The following TRPC5 variants were observed in gnomAD, a reference collection of about 807,000 sequenced individuals.
TRPC5 encodes the protein short transient receptor potential channel 5.
In TRPC5, 9 loss-of-function variants were observed where a neutral mutation model predicts 56.5. The observed-to-expected ratio is 0.16, with a 90% CI of 0.10 to 0.28. The LOEUF (loss-of-function observed/expected upper bound fraction) is 0.28, where lower values mean the gene tolerates loss of function less well. Among genes scored for constraint, TRPC5 ranks in the 10% least tolerant of loss-of-function variants. The pLI is 1.00. For missense variants in TRPC5, 469 were observed against 748.9 expected (o/e 0.63, Z 4.36); for synonymous variants, 282 against 278.5 (o/e 1.01, Z -0.13).
intron 7 of TRPC5, among the ~76,000 whole-genome samples, chrX:111,817,413 G>A (rs766404714): frequency 7.1e-5 from 7 of 98,955 alleles, no homozygotes; most frequent in Non-Finnish European, 1.2e-4. Flanking sequence ...TGCAACCTCC[G>A]CCTCCAAGGT....
At chrX:111,809,720 G>C (rs1216537684) in intron 7 of TRPC5, among the ~76,000 whole-genome samples, 1 of 111,114 alleles carries the variant, frequency 9.0e-6, no homozygotes, top group Non-Finnish European at 1.9e-5. Flanking sequence ...ACAGAGGACG[G>C]TTGTTGGAGG....
At chrX:112,014,670 C>T (rs1200128374) in intron 1 of TRPC5, among the ~76,000 whole-genome samples, 1 of 112,053 alleles carries the variant, frequency 8.9e-6, no homozygotes, top group Non-Finnish European at 1.9e-5. Context: ...AGCTGCCTTT[C>T]CTTCCCCTTC....
chrX:111,894,699 T>C (rs1274889224), intron 3 of TRPC5, among the ~76,000 whole-genome samples: 7 of 109,611 alleles, frequency 6.4e-5, no homozygotes, highest in African/African-American at 2.4e-4. Context: ...TTAGTTTTTA[T>C]AGGATGTAGG....
chrX:111,839,577 G>C (rs919163829), intron 6 of TRPC5, among the ~76,000 whole-genome samples: 2 of 111,751 alleles, frequency 1.8e-5, no homozygotes, highest in Non-Finnish European at 1.9e-5. Context: ...CTCGATATCT[G>C]CAAAGGGTTG....
intron 1 of TRPC5, among the ~76,000 whole-genome samples, chrX:111,962,308 T>G (rs1183593555): frequency 8.9e-6 from 1 of 112,467 alleles, no homozygotes; most frequent in Non-Finnish European, 1.9e-5. Context: ...CCAAAGTCCC[T>G]TCCCCTCTCA....
chrX:112,070,758 C>CA (rs1556613536), intron 1 of TRPC5, among the ~76,000 whole-genome samples: 21 of 108,352 alleles, frequency 1.9e-4, no homozygotes, highest in African/African-American at 6.9e-4. Context: ...TGCCCCCCCC[C>CA]AAAGTTACTT....
intron 1 of TRPC5, among the ~76,000 whole-genome samples, chrX:112,025,059 A>G (rs1929379046): frequency 8.9e-6 from 1 of 112,073 alleles, no homozygotes; most frequent in Non-Finnish European, 1.9e-5. Context: ...ACCAAATACA[A>G]CACAAACCCC....
At chrX:111,923,048 T>C (rs763098305) in intron 2 of TRPC5, among the ~76,000 whole-genome samples, 5 of 111,416 alleles carry the variant, frequency 4.5e-5, no homozygotes, top group Non-Finnish European at 9.4e-5. Context: ...CTAAGTGTCT[T>C]GGCCCAGGTC....
At position 111,773,986 on chromosome X, in the gene TRPC5, C is replaced by A. The variant is rs1334780111; in HGVS notation, c.*2327G>T. Among the ~76,000 whole-genome samples the A allele has an allele frequency of 9.0e-6, 1 of 111,640 alleles. No homozygotes were observed. The highest frequency in any genetic ancestry group is 2.8e-4 in the East Asian group (1 of 3,557). On this transcript the variant is annotated 3_prime_UTR_variant, in exon 11 of 11. Transcript: ENST00000262839. ...TAGGGCAATAGCTGTTCAGCTTTAA[C>A]CCCCATCCTAAATGAGGCTTCACTA...
At chrX:112,079,695 T>C (rs1930916667) in intron 1 of TRPC5, among the ~76,000 whole-genome samples, 1 of 112,202 alleles carries the variant, frequency 8.9e-6, no homozygotes, top group Non-Finnish European at 1.9e-5. Flanking sequence ...GTTTTAGTTG[T>C]TAGCTATAGA....
intron 3 of TRPC5, among the ~76,000 whole-genome samples, chrX:111,894,324 A>G (rs10521536): frequency 0.17 from 18,520 of 111,472 alleles, 2,797 homozygotes; most frequent in African/African-American, 0.49. Context: ...CAAAATTGCC[A>G]GGTAGGACTT....
At position 111,854,142 on chromosome X, in the gene TRPC5, T is replaced by G. The variant is rs1923159124; in HGVS notation, c.901-36A>C. On this transcript the variant is annotated intron_variant, in intron 3 of 10. Coordinates refer to ENST00000262839, the MANE Select transcript of TRPC5 (RefSeq NM_012471.3). ...AAGAAAACAAGTTAGGCATCTGGAATGTCCAGGAGAAAGTCTACTGTCATA... is the reference window on the plus strand; with the variant it reads ...AAGAAAACAAGTTAGGCATCTGGAAGGTCCAGGAGAAAGTCTACTGTCATA... The G allele has an allele frequency of 1.0e-5, 12 of 1,154,964 alleles. No homozygotes were observed. The African/African-American group carries it at 1.8e-4, about 17-fold the overall frequency.
intron 3 of TRPC5, among the ~76,000 whole-genome samples, chrX:111,868,159 C>A (rs1433983141): frequency 9.0e-6 from 1 of 111,397 alleles, no homozygotes; most frequent in Non-Finnish European, 1.9e-5. Context: ...TTAATTGAGT[C>A]ACCACTCCTT....
chrX:111,771,786 T>A lies in TRPC5; in HGVS notation c.*4527A>T, dbSNP rs1273558237. ...CTGACCTAAATGCTTTTTTTTTTTT[T>A]AAACAAAACCAGGAACCTCAAATCT... On this transcript the variant is annotated 3_prime_UTR_variant, in exon 11 of 11. Transcript: ENST00000262839. Among the ~76,000 whole-genome samples, 1 of 108,632 alleles carries A rather than the reference T, an allele frequency of 9.2e-6. No homozygotes were observed. Among genetic ancestry groups the A allele is most frequent in the Non-Finnish European group, 1.9e-5 (1 of 52,634 alleles). 94.3% of individuals were successfully genotyped at this position (108,632 alleles called of 115,157 possible).
chrX:111,810,202 C>T (rs1048140711), intron 7 of TRPC5, among the ~76,000 whole-genome samples: 5 of 111,389 alleles, frequency 4.5e-5, no homozygotes, highest in African/African-American at 6.5e-5. Flanking sequence ...CATGAGCCAC[C>T]GTGCCTGCCT....
intron 10 of TRPC5, among the ~76,000 whole-genome samples, chrX:111,778,510 T>C (rs1310870086): frequency 9.0e-6 from 1 of 111,229 alleles, no homozygotes. Flanking sequence ...GGGACAAAAT[T>C]GCCCCTGGTT....
chrX:112,032,427 T>G (rs894683852), intron 1 of TRPC5, among the ~76,000 whole-genome samples: 2 of 111,659 alleles, frequency 1.8e-5, no homozygotes, highest in Non-Finnish European at 3.8e-5. Flanking sequence ...AATCAGTATG[T>G]CAAAGAGATA....
At chrX:111,965,855 G>A (rs1398791821) in intron 1 of TRPC5, among the ~76,000 whole-genome samples, 1 of 111,214 alleles carries the variant, frequency 9.0e-6, no homozygotes, top group Non-Finnish European at 1.9e-5. Flanking sequence ...AGCACTAAAT[G>A]CCCACAAGAG....
chrX:111,888,693 CAAAAAAAAAAAA>C (rs753735549), intron 3 of TRPC5, among the ~76,000 whole-genome samples: 2 of 10,985 alleles, frequency 1.8e-4, no homozygotes, highest in Non-Finnish European at 4.2e-4. Flanking sequence ...GACTCTATCT[CAAAAAAAAAAAA>C]AAAAAAAAAA....
Sources: allele counts gnomAD v4.1 joint callset (sites outside exome capture counted in the v4.1 genomes callset), GRCh38; gene constraint gnomAD v4.1.1; transcripts MANE v1.5; gene names NCBI Gene and HGNC (gene_info 2026-07-23, HGNC 2026-07-21).